Variants in HIPK2 observed in about 807,000 individuals in gnomAD.
The protein encoded by HIPK2 is homeodomain-interacting protein kinase 2.
Under a neutral mutation model 113.7 loss-of-function variants are expected in HIPK2, and 27 were observed. The observed-to-expected ratio is 0.24, with a 90% CI of 0.17 to 0.33. The LOEUF is 0.33. Ranked by LOEUF, HIPK2 falls within the 10% of genes least tolerant of loss-of-function variation. The pLI is 1.00. For synonymous variants in HIPK2, 631 were observed against 642.2 expected (o/e 0.98, Z 0.26); for missense variants, 1,257 against 1,588.0 (o/e 0.79, Z 3.54).
chr7:139,744,341 C>T (rs1041543717), intron 1 of HIPK2, among the ~76,000 whole-genome samples: 2 of 152,174 alleles, frequency 1.3e-5, no homozygotes, highest in Non-Finnish European at 2.9e-5. Flanking sequence ...TGTCTGATTC[C>T]ATTTCAATGA....
intron 2 of HIPK2, among the ~76,000 whole-genome samples, chr7:139,653,694 T>G (rs1801547059): frequency 6.6e-6 from 1 of 151,432 alleles, no homozygotes; most frequent in Non-Finnish European, 1.5e-5. Context: ...TTTCCAAAGG[T>G]GGGGGGAACA....
chr7:139,633,806 G>A (rs1162005102), intron 2 of HIPK2, among the ~76,000 whole-genome samples: 5 of 152,092 alleles, frequency 3.3e-5, no homozygotes, highest in Non-Finnish European at 7.4e-5. Context: ...TTAGCCAGGC[G>A]TGGTGGCGCA....
intron 2 of HIPK2, among the ~76,000 whole-genome samples, chr7:139,639,821 A>G (rs2116364346): frequency 6.6e-6 from 1 of 152,318 alleles, no homozygotes; most frequent in East Asian, 1.9e-4. Context: ...TTTTCCCTGG[A>G]GCTGGCAATG....
chr7:139,587,799 G>C (rs917845340), intron 12 of HIPK2, among the ~76,000 whole-genome samples: 1 of 151,370 alleles, frequency 6.6e-6, no homozygotes, highest in African/African-American at 2.4e-5. Context: ...GATGGCTTGA[G>C]CCCAGGAGTT....
chr7:139,670,559 T>C, intron 2 of HIPK2, among the ~76,000 whole-genome samples: 1 of 147,480 alleles, frequency 6.8e-6, no homozygotes, highest in African/African-American at 2.5e-5. Context: ...CCAGCCTGGG[T>C]GATAGAGCAA....
intron 7 of HIPK2, among the ~76,000 whole-genome samples, chr7:139,617,972 T>C (rs1036544161): frequency 5.3e-5 from 8 of 152,194 alleles, no homozygotes; most frequent in African/African-American, 1.9e-4. Context: ...GGAAAGGCAT[T>C]TGGGGACCTC....
intron 1 of HIPK2, among the ~76,000 whole-genome samples, chr7:139,749,287 G>C (rs1480909195): frequency 6.6e-6 from 1 of 152,254 alleles, no homozygotes; most frequent in East Asian, 1.9e-4. Context: ...CACCAGCACA[G>C]TGGACCCAGA....
chr7:139,612,756 A>T (rs1799881651), intron 9 of HIPK2, among the ~76,000 whole-genome samples: 1 of 152,222 alleles, frequency 6.6e-6, no homozygotes, highest in Non-Finnish European at 1.5e-5. Flanking sequence ...AGAAGGTTCC[A>T]GCTTACAGTA....
intron 1 of HIPK2, among the ~76,000 whole-genome samples, chr7:139,772,212 G>A (rs1488063442): frequency 1.3e-5 from 2 of 152,028 alleles, no homozygotes; most frequent in Admixed American, 6.5e-5. Flanking sequence ...GTGACAGCCC[G>A]ATCTATATCC....
At chr7:139,668,836 CAAATGG>C (rs1300398502) in intron 2 of HIPK2, among the ~76,000 whole-genome samples, 1 of 152,038 alleles carries the variant, frequency 6.6e-6, no homozygotes, top group Non-Finnish European at 1.5e-5. Context: ...GCTTTGAATC[CAAATGG>C]TTAAAAATGG....
chr7:139,573,231 G>C lies in HIPK2; in HGVS notation c.3293C>G (p.Thr1098Ser). 2 of 1,605,320 alleles carry C rather than the reference G, an allele frequency of 1.2e-6. No individual in the cohort carries two copies. Among genetic ancestry groups the C allele is most frequent in the Middle Eastern group, 1.8e-4 (1 of 5,552 alleles). ...AAAAAAAHLP[T>S]QPHLYTYTAP... is the part of the protein sequence containing the mutation. The stretch of plus-strand genomic sequence containing the variant: ...AGTGTAGGTGTAGAGGTGGGGCTGG[G>C]TGGGGAGGTGGGCAGCGGCAGCGGC... Residue 1098 changes from threonine to serine, a missense_variant, in exon 15 of 15, where the codon ACC becomes AGC. Thr to Ser is a moderately conservative substitution (Grantham distance 58). Transcript: ENST00000406875.
At chr7:139,690,636 C>A (rs374964711) in intron 2 of HIPK2, among the ~76,000 whole-genome samples, 1 of 151,976 alleles carries the variant, frequency 6.6e-6, no homozygotes, top group African/African-American at 2.4e-5. Flanking sequence ...CATAGTGAGA[C>A]ACTGTCTCTA....
chr7:139,739,745 G>A (rs1796044443), intron 1 of HIPK2, among the ~76,000 whole-genome samples: 1 of 152,086 alleles, frequency 6.6e-6, no homozygotes, highest in Admixed American at 6.6e-5. Context: ...TGGAAACCAT[G>A]AATCTCTACT....
chr7:139,777,013 C>T (rs907890326), intron 1 of HIPK2: 1 of 152,448 alleles, frequency 6.6e-6, no homozygotes, highest in South Asian at 2.1e-4. Flanking sequence ...TCCACGTCCC[C>T]TTCCACACGC....
At chr7:139,659,469 C>A (rs1225575868) in intron 2 of HIPK2, among the ~76,000 whole-genome samples, 1 of 152,200 alleles carries the variant, frequency 6.6e-6, no homozygotes, top group East Asian at 1.9e-4. Context: ...CCAGAAGACC[C>A]AGCACAGACC....
chr7:139,648,589 TC>T lies in HIPK2; in HGVS notation c.1104-16865del, dbSNP rs1175991631. On this transcript the variant is annotated intron_variant, in intron 2 of 14. Coordinates refer to ENST00000406875, the MANE Select transcript of HIPK2 (RefSeq NM_022740.5). Reference sequence around the variant, plus strand: ...TAGCTTACATGGGAGTGAGCATCATTCCTGCTTGCACCTTCACGTCCGGTTA... The same window carrying T: ...TAGCTTACATGGGAGTGAGCATCATTCTGCTTGCACCTTCACGTCCGGTTA... 2.6e-5 allele frequency among the ~76,000 whole-genome samples: 4 copies of T among 152,160 alleles called. No homozygotes were observed. In the South Asian group the frequency reaches 6.2e-4, roughly 24 times the overall value.
intron 1 of HIPK2, among the ~76,000 whole-genome samples, chr7:139,752,881 G>A (rs921746498): frequency 1.3e-5 from 2 of 152,146 alleles, no homozygotes; most frequent in African/African-American, 4.8e-5. Context: ...CTGCTGCTAC[G>A]GGCTGGACTT....
chr7:139,737,994 C>G (rs1795984941), intron 1 of HIPK2, among the ~76,000 whole-genome samples: 1 of 152,218 alleles, frequency 6.6e-6, no homozygotes, highest in Non-Finnish European at 1.5e-5. Context: ...GGCCCAGACC[C>G]GATCCATCTG....
At position 139,565,805 on chromosome 7, in the gene HIPK2, C is replaced by T. The variant is rs891637688; in HGVS notation, c.*7122G>A. 4 of 151,580 alleles carry T rather than the reference C, an allele frequency of 2.6e-5. No individual in the cohort carries two copies. Among genetic ancestry groups the T allele is most frequent in the African/African-American group, 7.3e-5 (3 of 41,202 alleles). The allele number at this position is 151,580 out of a possible 1,614,324, so 9.4% of individuals were successfully genotyped here. A position where few individuals can be genotyped will look rare whatever the true frequency, so the allele number is the denominator to read the frequency against. On this transcript the variant is annotated 3_prime_UTR_variant, in exon 15 of 15. Transcript: ENST00000406875. Reference sequence around the variant, plus strand: ...TTTACAAATTTGGTGTGAACCCTGCCTCTGGTTCTGCCCAGAGCTGAAGAG... The same window carrying T: ...TTTACAAATTTGGTGTGAACCCTGCTTCTGGTTCTGCCCAGAGCTGAAGAG...
Sources: allele counts gnomAD v4.1 joint callset (sites outside exome capture counted in the v4.1 genomes callset), GRCh38; gene constraint gnomAD v4.1.1; transcripts MANE v1.5; gene names NCBI Gene and HGNC (gene_info 2026-07-23, HGNC 2026-07-21).